Variants in ATAD2B observed in about 807,000 individuals in gnomAD.
The protein encoded by ATAD2B is ATPase family AAA domain containing 2B.
Under a neutral mutation model 167.6 loss-of-function variants are expected in ATAD2B, and 40 were observed. The observed-to-expected ratio is 0.24, with a 90% confidence interval of 0.19 to 0.31. The LOEUF (loss-of-function observed/expected upper bound fraction) is 0.31, where lower values mean the gene tolerates loss of function less well. Ranked by LOEUF, ATAD2B falls within the 10% of genes least tolerant of loss-of-function variation. ATAD2B has a pLI of 1.00. For missense variants in ATAD2B, 1,242 were observed against 1,757.2 expected, an observed-to-expected ratio of 0.71 and a Z score of 5.24; for synonymous variants, 579 against 596.5, an observed-to-expected ratio of 0.97 and a Z score of 0.43.
chr2:23,803,902 G>C (rs1683914634), intron 18 of ATAD2B, among the ~76,000 whole-genome samples: 1 of 152,110 alleles, frequency 6.6e-6, no homozygotes, highest in South Asian at 2.1e-4. Flanking sequence ...TTTATATTAA[G>C]CATTTTAGAG....
At chr2:23,922,719 G>T (rs62125934) in intron 1 of ATAD2B, among the ~76,000 whole-genome samples, 1 of 129,772 alleles carries the variant, frequency 7.7e-6, no homozygotes, top group East Asian at 2.0e-4. Flanking sequence ...AAAAAAAAGG[G>T]TCCTAACTAA....
intron 4 of ATAD2B, among the ~76,000 whole-genome samples, chr2:23,887,435 A>C (rs1698852159): frequency 6.6e-6 from 1 of 152,184 alleles, no homozygotes; most frequent in Non-Finnish European, 1.5e-5. Flanking sequence ...ACTGAACAAT[A>C]CTTAAGTTTT....
At chr2:23,739,785 A>G in the ATAD2B span, among the ~76,000 whole-genome samples, 16 of 152,326 alleles carry the variant, frequency 1.1e-4, no homozygotes, top group Admixed American at 4.6e-4. Flanking sequence ...AAAGATCAAC[A>G]AAATTGATAG....
chr2:23,785,723 G>T, intron 21 of ATAD2B: 1 of 218,352 alleles, frequency 4.6e-6, no homozygotes. Flanking sequence ...AATTTATCCT[G>T]GAATAAAAAT....
downstream of ATAD2B, among the ~76,000 whole-genome samples, chr2:23,746,169 G>A (rs146356781): frequency 6.6e-6 from 1 of 152,220 alleles, no homozygotes; most frequent in African/African-American, 2.4e-5. Flanking sequence ...CTTAACACAT[G>A]CCGTATTAGA....
chr2:23,751,717 C>G lies in ATAD2B; in HGVS notation c.*329G>C. On this transcript the variant is annotated 3_prime_UTR_variant, in exon 28 of 28. Transcript: ENST00000238789. Reference sequence around the variant, plus strand: ...TTCCTCCTGTTTGCTGGTCTGCTCCCTAAGAGAGGAGTCTCCAAAAGAGAG... The same window carrying G: ...TTCCTCCTGTTTGCTGGTCTGCTCCGTAAGAGAGGAGTCTCCAAAAGAGAG... 3.2e-6 allele frequency: 1 copy of G among 312,038 alleles called. No individual in the cohort carries two copies. The highest frequency in any genetic ancestry group is 5.9e-6 in the Non-Finnish European group (1 of 170,080). The allele number at this position is 312,038 out of a possible 1,614,324, so 19.3% of individuals were successfully genotyped here. A position where few individuals can be genotyped will look rare whatever the true frequency, so the allele number is the denominator to read the frequency against.
At chr2:23,703,329 C>G in the ATAD2B span, 4 of 1,541,860 alleles carry the variant, frequency 2.6e-6, no homozygotes, top group Non-Finnish European at 3.5e-6. Flanking sequence ...GTCCTCCAGT[C>G]TTACGTTCCT....
the ATAD2B span, among the ~76,000 whole-genome samples, chr2:23,687,344 C>G: frequency 3.3e-5 from 5 of 152,208 alleles, no homozygotes; most frequent in Non-Finnish European, 5.9e-5. Context: ...CAGCCTGGGA[C>G]AGGTGATGTG....
At position 23,867,936 on chromosome 2, in the gene ATAD2B, T is replaced by C. The variant is rs200144261; in HGVS notation, c.1087A>G (p.Met363Val). 2.8e-4 allele frequency: 445 copies of C among 1,602,216 alleles called. 1 individual carries two copies. Among genetic ancestry groups the C allele is most frequent in the Non-Finnish European group, 3.5e-4 (416 of 1,175,906 alleles). ...MARARNRCLP[M>V]NFRAEDLASG... ...GCTAAGTCCTCTGCTCTGAAGTTCATAGGCAAACATCTGAAATTTATAAAA... is the reference window on the plus strand; with the variant it reads ...GCTAAGTCCTCTGCTCTGAAGTTCACAGGCAAACATCTGAAATTTATAAAA... The change falls in exon 10 of 28, where the codon ATG (methionine) becomes GTG (valine). Residue 363 changes from methionine (M) to valine (V), a missense_variant. This residue lies in a region of ATAD2B where 127 missense variants were observed against 146.3 expected (regional missense o/e 0.87). Coordinates refer to ENST00000238789, the MANE Select transcript of ATAD2B (RefSeq NM_017552.4).
At chr2:23,719,925 G>A in the ATAD2B span, among the ~76,000 whole-genome samples, 26 of 152,306 alleles carry the variant, frequency 1.7e-4, no homozygotes, top group South Asian at 4.8e-3. Context: ...CCATGCTGTA[G>A]GAGGTTCATC....
chr2:23,699,165 C>CAG, the ATAD2B span, among the ~76,000 whole-genome samples: 1 of 152,224 alleles, frequency 6.6e-6, no homozygotes, highest in Non-Finnish European at 1.5e-5. Flanking sequence ...CGCTCAGAGG[C>CAG]AGAGGCACGG....
At chr2:23,792,690 C>T (rs928676450) in intron 19 of ATAD2B, among the ~76,000 whole-genome samples, 2 of 151,896 alleles carry the variant, frequency 1.3e-5, no homozygotes, top group Non-Finnish European at 2.9e-5. Flanking sequence ...TGGCCGGGCA[C>T]GGTGGCTCAC....
At chr2:23,737,965 T>C in the ATAD2B span, among the ~76,000 whole-genome samples, 1 of 151,820 alleles carries the variant, frequency 6.6e-6, no homozygotes. Flanking sequence ...GAAGACGAAA[T>C]GAATGAAATG....
chr2:23,766,575 C>G (rs1677440948), intron 22 of ATAD2B, among the ~76,000 whole-genome samples: 1 of 152,190 alleles, frequency 6.6e-6, no homozygotes, highest in Admixed American at 6.5e-5. Context: ...CACATTTTCT[C>G]TAAACATTCA....
chr2:23,754,653 T>A lies in ATAD2B; in HGVS notation c.4200A>T (p.Arg1400Ser), dbSNP rs1171758243. The A allele has an allele frequency of 1.9e-6, 3 of 1,611,666 alleles. No homozygotes were observed. Among genetic ancestry groups the A allele is most frequent in the Non-Finnish European group, 2.5e-6 (3 of 1,178,912 alleles). The change falls in exon 26 of 28, where the codon AGA becomes AGT. Residue 1400 changes from arginine to serine, a missense_variant. By Grantham distance (110) the Arg-to-Ser change is moderately radical. Transcript: ENST00000238789. ...PVPPLIVDRERLKKLLDLLVD... is the reference protein window; with the variant it reads ...PVPPLIVDRESLKKLLDLLVD... The stretch of plus-strand genomic sequence containing the variant: ...TGGGAATAGCTAAGCTTACCTTCAA[T>A]CTCTCACGATCAACTATAAGAGGAG...
At chr2:23,796,956 T>C (rs980672328) in intron 19 of ATAD2B, among the ~76,000 whole-genome samples, 3 of 152,206 alleles carry the variant, frequency 2.0e-5, no homozygotes, top group African/African-American at 7.2e-5. Context: ...TATTAAACTT[T>C]ATTAGCCTCT....
At chr2:23,879,164 T>C (rs1230428768) in intron 7 of ATAD2B, among the ~76,000 whole-genome samples, 2 of 152,162 alleles carry the variant, frequency 1.3e-5, no homozygotes, top group African/African-American at 4.8e-5. Context: ...CAAAAACATA[T>C]GTCCACACAA....
At chr2:23,899,295 C>A (rs1700504974) in intron 1 of ATAD2B, among the ~76,000 whole-genome samples, 1 of 142,090 alleles carries the variant, frequency 7.0e-6, no homozygotes. Flanking sequence ...AAGAGCAAGA[C>A]CCCATCTCAA....
the ATAD2B span, among the ~76,000 whole-genome samples, chr2:23,723,508 G>A: frequency 7.1e-6 from 1 of 140,484 alleles, no homozygotes; most frequent in Non-Finnish European, 1.6e-5. Context: ...GAGGGAGGGA[G>A]GGAGGGAGGG....
Sources: allele counts gnomAD v4.1 joint callset (sites outside exome capture counted in the v4.1 genomes callset), GRCh38; gene constraint gnomAD v4.1.1; regional missense constraint gnomAD v4.1.1; transcripts MANE v1.5; gene names NCBI Gene and HGNC (gene_info 2026-07-23, HGNC 2026-07-21).